The following IL1RL2 variants were observed in gnomAD, a reference collection of about 807,000 sequenced individuals.
The protein encoded by IL1RL2 is interleukin-1 receptor-like 2.
In IL1RL2, 68 loss-of-function variants were observed where a neutral mutation model predicts 66.8. The ratio of observed to expected loss-of-function variants is 1.02; its 90% CI spans 0.84 to 1.25. The LOEUF (loss-of-function observed/expected upper bound fraction) is 1.25. Ranked by LOEUF, IL1RL2 falls within the 50% of genes most tolerant of loss-of-function variation. IL1RL2 has a pLI of 0.00. For missense variants in IL1RL2, 729 were observed against 709.3 expected (o/e 1.03, Z -0.32); for synonymous variants, 305 against 264.6 (o/e 1.15, Z -1.48).
At chr2:102,197,071 G>T (rs1437177294) in intron 4 of IL1RL2, among the ~76,000 whole-genome samples, 1 of 152,182 alleles carries the variant, frequency 6.6e-6, no homozygotes, top group African/African-American at 2.4e-5. Context: ...TAGGGAAAAG[G>T]AGGAACTCAT....
At chr2:102,199,149 C>A (rs1348930878) in intron 4 of IL1RL2, among the ~76,000 whole-genome samples, 1 of 152,128 alleles carries the variant, frequency 6.6e-6, no homozygotes, top group Non-Finnish European at 1.5e-5. Flanking sequence ...TACTTGCTAT[C>A]CCTACTTCCC....
At chr2:102,224,615 G>GA (rs1276671479) in intron 8 of IL1RL2, among the ~76,000 whole-genome samples, 5 of 152,062 alleles carry the variant, frequency 3.3e-5, no homozygotes, top group South Asian at 2.1e-4. Flanking sequence ...ATGGGTAAAA[G>GA]AAAAAAATAC....
At chr2:102,187,328 G>T in intron 1 of IL1RL2, 2 of 1,170,958 alleles carry the variant, frequency 1.7e-6, no homozygotes, top group South Asian at 3.3e-5. Flanking sequence ...CTCCTTTCCC[G>T]CTGGCCCTTG....
In IL1RL2 at chr2:102,231,174, T is replaced by C. The variant is rs1348839913; in HGVS notation, c.1136-1789T>C. ...AGTCCTTATTCATTCACAGGATTCCTGAGTAGGGAATTATTCCTCCTTCCA... is the reference window on the plus strand; with the variant it reads ...AGTCCTTATTCATTCACAGGATTCCCGAGTAGGGAATTATTCCTCCTTCCA... On this transcript the variant is annotated intron_variant, in intron 9 of 11. Coordinates refer to ENST00000264257, the MANE Select transcript of IL1RL2 (RefSeq NM_003854.4). 2.6e-5 allele frequency among the ~76,000 whole-genome samples: 4 copies of C among 152,222 alleles called. No homozygotes were observed. The South Asian group carries it at 6.2e-4, about 24-fold the overall frequency.
intron 6 of IL1RL2, among the ~76,000 whole-genome samples, chr2:102,216,956 A>G (rs1559549417): frequency 6.6e-6 from 1 of 152,122 alleles, no homozygotes; most frequent in Non-Finnish European, 1.5e-5. Context: ...GTTATTTTTG[A>G]CCATTTTGAC....
At chr2:102,236,646 T>G (rs935561961) in intron 11 of IL1RL2, among the ~76,000 whole-genome samples, 1 of 152,204 alleles carries the variant, frequency 6.6e-6, no homozygotes, top group African/African-American at 2.4e-5. Flanking sequence ...ACATTCACAC[T>G]GTTGTGCGGC....
intron 6 of IL1RL2, 139 bp downstream of exon 6, chr2:102,212,313 C>G (rs973752346): frequency 3.6e-4 from 204 of 571,284 alleles, no homozygotes; most frequent in Admixed American, 3.3e-3. Context: ...TATACGTGAG[C>G]TCATGGGGAG....
At chr2:102,223,710 T>G (rs1690347332) in intron 8 of IL1RL2, among the ~76,000 whole-genome samples, 1 of 152,220 alleles carries the variant, frequency 6.6e-6, no homozygotes, top group Non-Finnish European at 1.5e-5. Flanking sequence ...ATTAGTATTG[T>G]GGGCATGGTC....
At chr2:102,238,763 C>T (rs1578213882) in intron 11 of IL1RL2, among the ~76,000 whole-genome samples, 1 of 152,100 alleles carries the variant, frequency 6.6e-6, no homozygotes, top group Non-Finnish European at 1.5e-5. Context: ...TGTTAGAGGC[C>T]ACACATCTCC....
At chr2:102,195,180 A>C (rs1687560364) in intron 4 of IL1RL2, among the ~76,000 whole-genome samples, 1 of 152,150 alleles carries the variant, frequency 6.6e-6, no homozygotes, top group African/African-American at 2.4e-5. Flanking sequence ...TAATTGTTAC[A>C]ATGTGTCCTT....
chr2:102,194,883 G>A (rs772838679), intron 4 of IL1RL2, among the ~76,000 whole-genome samples: 1 of 151,512 alleles, frequency 6.6e-6, no homozygotes, highest in Admixed American at 6.6e-5. Context: ...GAGTGGCTGC[G>A]GGTTACCTTG....
At chr2:102,227,219 C>A (rs34300511) in intron 9 of IL1RL2, among the ~76,000 whole-genome samples, 2,286 of 152,174 alleles carry the variant, frequency 0.015, 53 homozygotes, top group African/African-American at 0.053. Context: ...AGATGCACGA[C>A]TTTATACCTT....
chr2:102,235,705 G>A lies in IL1RL2; in HGVS notation c.1678+428G>A, dbSNP rs1674816233. On this transcript the variant is annotated intron_variant, in intron 11 of 11. Transcript: ENST00000264257. ...GAGGGCAGTCTAGCACCAGGAGAGG[G>A]TTGGCAAGGATAGCAGTATTTGTCC... 3.0e-6 allele frequency: 3 copies of A among 985,412 alleles called. No individual in the cohort carries two copies. In the South Asian group the frequency reaches 1.4e-4, roughly 46 times the overall value. 61.0% of individuals were successfully genotyped at this position (985,412 alleles called of 1,614,324 possible).
At chr2:102,213,915 G>T (rs1367297011) in intron 6 of IL1RL2, among the ~76,000 whole-genome samples, 3 of 152,116 alleles carry the variant, frequency 2.0e-5, no homozygotes, top group Non-Finnish European at 4.4e-5. Context: ...TCCCCAAAGT[G>T]CAGAGACACC....
intron 3 of IL1RL2, 55 bp from the exon 4 acceptor site, chr2:102,191,870 A>G (rs1687258417): frequency 1.7e-6 from 2 of 1,202,176 alleles, no homozygotes; most frequent in South Asian, 2.7e-5. Context: ...GAGTGGAATT[A>G]TTTGATTTTG....
At chr2:102,217,378 A>G (rs1202264612) in intron 6 of IL1RL2, among the ~76,000 whole-genome samples, 1 of 152,172 alleles carries the variant, frequency 6.6e-6, no homozygotes, top group Non-Finnish European at 1.5e-5. Context: ...TAAAATACCA[A>G]TGACATTATT....
At chr2:102,236,938 C>A (rs1023641136) in intron 11 of IL1RL2, among the ~76,000 whole-genome samples, 1 of 152,226 alleles carries the variant, frequency 6.6e-6, no homozygotes, top group Non-Finnish European at 1.5e-5. Flanking sequence ...AAAGAATTTA[C>A]CAACAGTGCT....
At chr2:102,224,009 G>A (rs1056202011) in intron 8 of IL1RL2, among the ~76,000 whole-genome samples, 1 of 152,144 alleles carries the variant, frequency 6.6e-6, no homozygotes, top group Non-Finnish European at 1.5e-5. Context: ...CACCAAATGT[G>A]TTCTTAGTTA....
intron 6 of IL1RL2, among the ~76,000 whole-genome samples, chr2:102,216,605 C>T (rs35917382): frequency 0.28 from 42,698 of 151,824 alleles, 6,604 homozygotes; most frequent in East Asian, 0.38. Context: ...GAACATGACT[C>T]CTGACATTTT....
Sources: allele counts gnomAD v4.1 joint callset (sites outside exome capture counted in the v4.1 genomes callset), GRCh38; gene constraint gnomAD v4.1.1; transcripts MANE v1.5; gene names NCBI Gene and HGNC (gene_info 2026-07-23, HGNC 2026-07-21).